Variants in PRKG1 observed in about 807,000 individuals in gnomAD.
PRKG1 encodes the protein protein kinase cGMP-dependent 1, also known as cGMP-dependent protein kinase 1.
Under a neutral mutation model 88.1 loss-of-function variants are expected in PRKG1, and 35 were observed. The ratio of observed to expected loss-of-function variants is 0.40; its 90% CI spans 0.30 to 0.53. The LOEUF (loss-of-function observed/expected upper bound fraction) is 0.53, where lower values mean the gene tolerates loss of function less well. Ranked by LOEUF, PRKG1 falls within the 20% of genes least tolerant of loss-of-function variation. The pLI is 0.59. For synonymous variants in PRKG1, 303 were observed against 292.5 expected (o/e 1.04, Z -0.37); for missense variants, 540 against 839.8 (o/e 0.64, Z 4.41).
rs113690749 is a variant in PRKG1, at chr10:52,069,892, C to T, written c.935+7261C>T. Among the ~76,000 whole-genome samples, 315 of 152,106 alleles carry T rather than the reference C, an allele frequency of 2.1e-3. 1 individual carries two copies. The highest frequency in any genetic ancestry group is 7.3e-3 in the African/African-American group (304 of 41,516). ...TTTCTTTTCCTTCTATTGTCATAGG[C>T]ATTGCACTTATGTCATTCCTTCGTT... On this transcript the variant is annotated intron_variant, in intron 7 of 17. Coordinates refer to ENST00000373980, the MANE Select transcript of PRKG1 (RefSeq NM_006258.4).
At chr10:51,818,729 C>T (rs61850004) in intron 4 of PRKG1, among the ~76,000 whole-genome samples, 1,466 of 100,736 alleles carry the variant, frequency 0.015, 169 homozygotes, top group Non-Finnish European at 0.018. Context: ...ACCAGAGGGC[C>T]GGGCGCGGTG....
chr10:52,096,297 T>C (rs1479188179), intron 7 of PRKG1, among the ~76,000 whole-genome samples: 1 of 152,162 alleles, frequency 6.6e-6, no homozygotes, highest in Non-Finnish European at 1.5e-5. Context: ...TATAAGCACA[T>C]CTGGGTTCTC....
Position 52,290,213 on chromosome 10 carries a change from TC to T in PRKG1, c.1896-9del, listed in dbSNP as rs780535098. On this transcript the variant is annotated splice_polypyrimidine_tract_variant and intron_variant, in intron 16 of 17. Coordinates refer to ENST00000373980, the MANE Select transcript of PRKG1 (RefSeq NM_006258.4). ...ACAAAATGTTTTTATCAACGTTTTTTCCTTTTCTAGATGGTTTGAGGGCTTT... is the reference window on the plus strand; with the variant it reads ...ACAAAATGTTTTTATCAACGTTTTTTCTTTTCTAGATGGTTTGAGGGCTTT... 1.2e-5 allele frequency: 19 copies of T among 1,611,418 alleles called. No individual in the cohort carries two copies. The highest frequency in any genetic ancestry group is 5.0e-5 in the Admixed American group (3 of 59,690).
At chr10:51,267,467 T>C (rs2132169902) in intron 2 of PRKG1, among the ~76,000 whole-genome samples, 1 of 152,312 alleles carries the variant, frequency 6.6e-6, no homozygotes, top group South Asian at 2.1e-4. Context: ...AAATATATCT[T>C]TATATCTGAA....
At chr10:51,024,213 A>G (rs1451738605) in intron 1 of PRKG1, among the ~76,000 whole-genome samples, 1 of 152,200 alleles carries the variant, frequency 6.6e-6, no homozygotes, top group Non-Finnish European at 1.5e-5. Context: ...AGTACTTACA[A>G]TAATTTCTGT....
At chr10:51,267,123 G>A (rs1016418147) in intron 2 of PRKG1, among the ~76,000 whole-genome samples, 1 of 151,962 alleles carries the variant, frequency 6.6e-6, no homozygotes, top group Non-Finnish European at 1.5e-5. Flanking sequence ...TTTCACCCCT[G>A]TTTCTTAGTA....
chr10:52,248,682 G>T (rs1337726008), intron 9 of PRKG1, among the ~76,000 whole-genome samples: 2 of 151,762 alleles, frequency 1.3e-5, no homozygotes, highest in African/African-American at 4.9e-5. Flanking sequence ...AGTGGATTTT[G>T]ATGGTTAAAG....
At chr10:51,069,283 A>G (rs1452138510) in intron 1 of PRKG1, among the ~76,000 whole-genome samples, 1 of 152,040 alleles carries the variant, frequency 6.6e-6, no homozygotes, top group East Asian at 1.9e-4. Flanking sequence ...ACCATTTGAA[A>G]TAGTATAACT....
At chr10:51,605,274 A>G (rs1231845176) in intron 3 of PRKG1, among the ~76,000 whole-genome samples, 1 of 152,142 alleles carries the variant, frequency 6.6e-6, no homozygotes, top group East Asian at 1.9e-4. Context: ...GTAGTCTTGG[A>G]AAATGCAACA....
At chr10:52,112,414 A>G (rs1437427753) in intron 7 of PRKG1, among the ~76,000 whole-genome samples, 1 of 152,110 alleles carries the variant, frequency 6.6e-6, no homozygotes, top group Non-Finnish European at 1.5e-5. Context: ...TACAAAGCCC[A>G]ATTCAATCTA....
intron 3 of PRKG1, among the ~76,000 whole-genome samples, chr10:51,540,625 T>C (rs1229142887): frequency 6.6e-6 from 1 of 152,176 alleles, no homozygotes; most frequent in Non-Finnish European, 1.5e-5. Flanking sequence ...TTTAGAATAT[T>C]TGAGCTTTTA....
chr10:51,016,545 G>C (rs975099382), intron 1 of PRKG1, among the ~76,000 whole-genome samples: 1 of 151,844 alleles, frequency 6.6e-6, no homozygotes, highest in Non-Finnish European at 1.5e-5. Context: ...AAGACTAATA[G>C]GCAATACTTT....
At chr10:52,014,965 C>G (rs893285644) in intron 5 of PRKG1, among the ~76,000 whole-genome samples, 2 of 152,244 alleles carry the variant, frequency 1.3e-5, no homozygotes, top group Non-Finnish European at 2.9e-5. Flanking sequence ...ACAGCCCCCA[C>G]AGCTGATTTA....
intron 3 of PRKG1, among the ~76,000 whole-genome samples, chr10:51,548,225 CT>C (rs1842489244): frequency 1.5e-5 from 2 of 136,332 alleles, no homozygotes; most frequent in Admixed American, 1.6e-4. Flanking sequence ...TATTGCTGGC[CT>C]TTTTGACTCA....
intron 9 of PRKG1, among the ~76,000 whole-genome samples, chr10:52,188,225 CA>C (rs1564508893): frequency 0.028 from 596 of 20,946 alleles, 19 homozygotes; most frequent in African/African-American, 0.089. Context: ...TATATATATA[CA>C]TATGTATATA....
intron 5 of PRKG1, among the ~76,000 whole-genome samples, chr10:52,038,042 G>A (rs1369703882): frequency 6.6e-6 from 1 of 152,178 alleles, no homozygotes; most frequent in East Asian, 1.9e-4. Context: ...GAATTACTTA[G>A]ATCTTGCAGG....
intron 7 of PRKG1, among the ~76,000 whole-genome samples, chr10:52,082,022 G>C (rs938395452): frequency 6.6e-6 from 1 of 152,084 alleles, no homozygotes; most frequent in Non-Finnish European, 1.5e-5. Context: ...ACAGTTCTGC[G>C]TGGCTAGGGA....
chr10:52,012,100 C>CT (rs1844899734), intron 5 of PRKG1, among the ~76,000 whole-genome samples: 1 of 152,174 alleles, frequency 6.6e-6, no homozygotes, highest in African/African-American at 2.4e-5. Flanking sequence ...TCACTCTTCA[C>CT]TGTGCTCCCC....
At chr10:51,303,614 T>A (rs1405550289) in intron 2 of PRKG1, among the ~76,000 whole-genome samples, 1 of 152,074 alleles carries the variant, frequency 6.6e-6, no homozygotes, top group Admixed American at 6.6e-5. Flanking sequence ...TTATTTGCTT[T>A]TTAATATAAA....
Sources: gnomAD v4.1 joint callset for allele counts (sites outside exome capture counted in the v4.1 genomes callset) on GRCh38, gnomAD v4.1.1 for gene constraint, MANE v1.5 for transcripts, NCBI Gene and HGNC (gene_info 2026-07-23, HGNC 2026-07-21) for gene names.